The following GALNT11 variants were observed in gnomAD, a reference collection of about 807,000 sequenced individuals.
GALNT11 encodes UDP-GalNAc:polypeptide N-acetylgalactosaminyltransferase 11.
Under a neutral mutation model 72.7 loss-of-function variants are expected in GALNT11, and 47 were observed. The observed-to-expected ratio is 0.65, with a 90% confidence interval of 0.51 to 0.82. The LOEUF (loss-of-function observed/expected upper bound fraction) is 0.82. GALNT11 is among the 40% of genes least tolerant of loss of function. GALNT11 has a pLI of 0.00. For missense variants in GALNT11, 677 were observed against 778.4 expected, an observed-to-expected ratio of 0.87 and a Z score of 1.55; for synonymous variants, 270 against 286.6, an observed-to-expected ratio of 0.94 and a Z score of 0.58.
rs1563086822 is a variant in GALNT11, at chr7:152,120,954, C to CA, written c.1682dup (p.Trp562ValfsTer98). 10 of 1,613,788 alleles carry CA rather than the reference C, an allele frequency of 6.2e-6. No individual in the cohort carries two copies. Among genetic ancestry groups the CA allele is most frequent in the Non-Finnish European group, 7.6e-6 (9 of 1,179,958 alleles). On this transcript the variant is annotated frameshift_variant, in exon 11 of 12. Transcript: ENST00000430044. LOFTEE classifies it high-confidence loss of function. The stretch of plus-strand genomic sequence containing the variant: ...ATGCCACGGGTCAGGAGGATCCCAG[C>CA]AGTGGACCTTTGGGGTGAGGAGTGC...
At position 152,113,056 on chromosome 7, in the gene GALNT11, AAGAC is replaced by A. The variant is rs562386831; in HGVS notation, c.1081-184_1081-181del. Among the ~76,000 whole-genome samples, 71 of 152,326 alleles carry A rather than the reference AAGAC, an allele frequency of 4.7e-4. No individual in the cohort carries two copies. In the South Asian group the frequency reaches 4.8e-3, roughly 10 times the overall value. On this transcript the variant is annotated intron_variant, in intron 7 of 11. Transcript: ENST00000430044. The stretch of plus-strand genomic sequence containing the variant: ...TAGCATTTAGTTCCTTGTAATGATA[AAGAC>A]AGACAATTTCTAACAATGTGTACCT...
intron 1 of GALNT11, among the ~76,000 whole-genome samples, chr7:152,061,638 A>C (rs1233699502): frequency 6.6e-6 from 1 of 152,094 alleles, no homozygotes; most frequent in African/African-American, 2.4e-5. Flanking sequence ...ATCCATCTTG[A>C]ATTAATTTTT....
intron 1 of GALNT11, among the ~76,000 whole-genome samples, chr7:152,072,009 C>CAA (rs11366450): frequency 3.6e-4 from 24 of 66,934 alleles, no homozygotes; most frequent in East Asian, 7.8e-4. Context: ...AACTCTGTCT[C>CAA]AAAAAAAAAA....
rs2089148496 is a variant in GALNT11 at position 152,118,860 on chromosome 7, T to C, written c.1557+78T>C. 4.4e-6 allele frequency: 5 copies of C among 1,141,166 alleles called. No individual in the cohort carries two copies. In the South Asian group the frequency reaches 7.4e-5, roughly 17 times the overall value. The allele number at this position is 1,141,166 out of a possible 1,614,324, so 70.7% of individuals were successfully genotyped here. On this transcript the variant is annotated intron_variant, in intron 10 of 11. Transcript: ENST00000430044. ...TAGGGAAGCTGCTGCCAGTCACTCC[T>C]GAGGACATCAGTGTCTACTATTCTG...
chr7:152,097,531 C>T lies in GALNT11; in HGVS notation c.295+3009C>T, dbSNP rs139539359. On this transcript the variant is annotated intron_variant, in intron 2 of 11. Coordinates refer to ENST00000430044, the MANE Select transcript of GALNT11 (RefSeq NM_022087.4). ...CTTGGAAGAATTGTCAACAGGTGCT[C>T]GAAAACTTGTACTCAATGTTCATTA... is the stretch of plus-strand genomic sequence containing the variant. Among the ~76,000 whole-genome samples the T allele has an allele frequency of 1.6e-4, 25 of 152,244 alleles. No homozygotes were observed. The East Asian group carries it at 2.9e-3, about 18-fold the overall frequency.
At chr7:152,078,359 G>A (rs1682029098) in intron 1 of GALNT11, among the ~76,000 whole-genome samples, 1 of 152,108 alleles carries the variant, frequency 6.6e-6, no homozygotes, top group Non-Finnish European at 1.5e-5. Context: ...ATGCCACCAT[G>A]CCCAGCAAAT....
chr7:152,090,831 T>C (rs1004855945), intron 1 of GALNT11, among the ~76,000 whole-genome samples: 10 of 152,130 alleles, frequency 6.6e-5, no homozygotes, highest in Admixed American at 2.0e-4. Flanking sequence ...TCAGCACTTA[T>C]CACTTTCTAA....
Position 152,103,279 on chromosome 7 carries a change from G to C in GALNT11, c.586+1G>C, listed in dbSNP as rs2087156972. The C allele has an allele frequency of 6.2e-7, 1 of 1,611,600 alleles. No homozygotes were observed. Among genetic ancestry groups the C allele is most frequent in the South Asian group, 1.1e-5 (1 of 90,994 alleles). ...CTTGTGGATGATGATAGTGACTTTGGTAAGGAATGCTGCACCTGGTAACAT... is the reference window on the plus strand; with the variant it reads ...CTTGTGGATGATGATAGTGACTTTGCTAAGGAATGCTGCACCTGGTAACAT... On this transcript the variant is annotated splice_donor_variant, in intron 4 of 11. Transcript: ENST00000430044. LOFTEE classifies it high-confidence loss of function.
At chr7:152,050,775 A>C (rs2083354786) in intron 1 of GALNT11, among the ~76,000 whole-genome samples, 1 of 152,164 alleles carries the variant, frequency 6.6e-6, no homozygotes, top group Non-Finnish European at 1.5e-5. Context: ...CCATGGTGGT[A>C]AGTCTTGCTG....
chr7:152,069,984 CT>C (rs1379209362), intron 1 of GALNT11, among the ~76,000 whole-genome samples: 75 of 148,442 alleles, frequency 5.1e-4, no homozygotes, highest in African/African-American at 1.7e-3. Flanking sequence ...TTTCTTTTTT[CT>C]TTTTTCTTTT....
intron 7 of GALNT11, among the ~76,000 whole-genome samples, chr7:152,110,964 C>T (rs1043176831): frequency 6.6e-6 from 1 of 151,966 alleles, no homozygotes; most frequent in African/African-American, 2.4e-5. Flanking sequence ...TCAAGTGATC[C>T]TCCTGCCTCG....
chr7:152,030,188 A>G (rs1430849355), intron 1 of GALNT11, among the ~76,000 whole-genome samples: 1 of 152,136 alleles, frequency 6.6e-6, no homozygotes, highest in Non-Finnish European at 1.5e-5. Flanking sequence ...CCCACGGGGA[A>G]AGGGAGACTC....
chr7:152,087,200 G>T lies in GALNT11; in HGVS notation c.-38-6990G>T, dbSNP rs2085704264. 3.9e-5 allele frequency among the ~76,000 whole-genome samples: 6 copies of T among 152,214 alleles called. No individual in the cohort carries two copies. The South Asian group carries it at 1.2e-3, about 32-fold the overall frequency. ...TAAGTAATTATGTATACGTAAGAAG[G>T]TGATAAATTCCATGGAATAAGGAAG... On this transcript the variant is annotated intron_variant, in intron 1 of 11. Coordinates refer to ENST00000430044, the MANE Select transcript of GALNT11 (RefSeq NM_022087.4).
At chr7:152,062,259 AT>A (rs1253806585) in intron 1 of GALNT11, among the ~76,000 whole-genome samples, 1 of 151,892 alleles carries the variant, frequency 6.6e-6, no homozygotes, top group Admixed American at 6.6e-5. Flanking sequence ...TTCACGCATG[AT>A]TTGGCTGTCT....
intron 1 of GALNT11, among the ~76,000 whole-genome samples, chr7:152,038,663 A>G (rs535980920): frequency 3.2e-4 from 49 of 152,240 alleles, no homozygotes; most frequent in Non-Finnish European, 5.9e-4. Context: ...CAGGTTTGTC[A>G]TGGTGAGCTA....
chr7:152,103,001 G>A, intron 3 of GALNT11, 111 bp from the exon 4 acceptor site: 1 of 999,142 alleles, frequency 1.0e-6, no homozygotes. Context: ...AAAAAAGGCA[G>A]GGGGTGGGGG....
chr7:152,110,224 TG>T (rs1345373669), intron 6 of GALNT11, among the ~76,000 whole-genome samples: 1 of 152,178 alleles, frequency 6.6e-6, no homozygotes, highest in African/African-American at 2.4e-5. Context: ...CCCAAGGCTC[TG>T]TGAGATTGTC....
At position 152,078,094 on chromosome 7, in the gene GALNT11, G is replaced by C. The variant is rs571217604; in HGVS notation, c.-38-16096G>C. On this transcript the variant is annotated intron_variant, in intron 1 of 11. Transcript: ENST00000430044. ...AGAAACCTCTCTGAATGAAGCGTGA[G>C]GGGGGAAGGCTGGACAACACTGAAG... is the stretch of plus-strand genomic sequence containing the variant. Among the ~76,000 whole-genome samples, 108 of 152,000 alleles carry C rather than the reference G, an allele frequency of 7.1e-4. 1 individual carries two copies. The highest frequency in any genetic ancestry group is 2.4e-3 in the African/African-American group (100 of 41,446).
intron 1 of GALNT11, among the ~76,000 whole-genome samples, chr7:152,026,794 C>A (rs1189721253): frequency 1.3e-5 from 2 of 152,162 alleles, no homozygotes; most frequent in African/African-American, 4.8e-5. Flanking sequence ...CCTTTCCTGC[C>A]CGAACTAGTC....
Sources: gnomAD v4.1 joint callset for allele counts (sites outside exome capture counted in the v4.1 genomes callset) on GRCh38, gnomAD v4.1.1 for gene constraint, MANE v1.5 for transcripts, NCBI Gene and HGNC (gene_info 2026-07-23, HGNC 2026-07-21) for gene names.